The following PHACTR1 variants were observed in gnomAD, a reference collection of about 807,000 sequenced individuals.
The protein encoded by PHACTR1 is phosphatase and actin regulator 1.
In PHACTR1, 16 loss-of-function variants were observed where a neutral mutation model predicts 69.2. The observed-to-expected ratio is 0.23, with a 90% confidence interval of 0.16 to 0.35. The LOEUF (loss-of-function observed/expected upper bound fraction) is 0.35, where lower values mean the gene tolerates loss of function less well. PHACTR1 is among the 10% of genes least tolerant of loss of function. The probability of loss-of-function intolerance (pLI) is 1.00; values close to 1 mark genes in which losing one functional copy is unlikely to be tolerated. For missense variants in PHACTR1, 510 were observed against 734.7 expected, an observed-to-expected ratio of 0.69 and a Z score of 3.54; for synonymous variants, 312 against 284.5, an observed-to-expected ratio of 1.10 and a Z score of -0.97.
intron 4 of PHACTR1, among the ~76,000 whole-genome samples, chr6:13,038,222 T>C (rs1053254617): frequency 6.6e-6 from 1 of 152,146 alleles, no homozygotes; most frequent in African/African-American, 2.4e-5. Context: ...CCAGAGAAGT[T>C]AAAAACTTGG....
At chr6:13,115,807 T>C (rs1352027735) in intron 5 of PHACTR1, among the ~76,000 whole-genome samples, 2 of 152,158 alleles carry the variant, frequency 1.3e-5, no homozygotes, top group Admixed American at 1.3e-4. Flanking sequence ...CACACAGAAC[T>C]GTCCACCGCA....
intron 4 of PHACTR1, among the ~76,000 whole-genome samples, chr6:12,814,916 A>C (rs1031675017): frequency 6.6e-6 from 1 of 152,180 alleles, no homozygotes; most frequent in Non-Finnish European, 1.5e-5. Flanking sequence ...AAAACACAAC[A>C]TGCTTCAAGT....
At chr6:12,764,416 T>G (rs1379819833) in intron 4 of PHACTR1, among the ~76,000 whole-genome samples, 1 of 152,208 alleles carries the variant, frequency 6.6e-6, no homozygotes, top group African/African-American at 2.4e-5. Context: ...GTCTAGTATC[T>G]TTTCAAAATT....
At chr6:13,007,532 A>C (rs544742522) in intron 4 of PHACTR1, among the ~76,000 whole-genome samples, 7 of 152,138 alleles carry the variant, frequency 4.6e-5, no homozygotes, top group Non-Finnish European at 8.8e-5. Context: ...GATATTAGCG[A>C]TACAGGCTTT....
intron 3 of PHACTR1, among the ~76,000 whole-genome samples, chr6:12,723,250 C>G (rs1398743234): frequency 6.6e-6 from 1 of 152,028 alleles, no homozygotes; most frequent in Non-Finnish European, 1.5e-5. Context: ...TGAGAACCAC[C>G]ATTATGGATC....
At chr6:13,121,428 G>A (rs6924854) in intron 5 of PHACTR1, among the ~76,000 whole-genome samples, 4,464 of 152,106 alleles carry the variant, frequency 0.029, 199 homozygotes, top group African/African-American at 0.1. Context: ...GATAGGTCAC[G>A]TCTTCTCATA....
intron 4 of PHACTR1, among the ~76,000 whole-genome samples, chr6:12,988,769 A>G (rs1317147534): frequency 6.6e-6 from 1 of 152,264 alleles, no homozygotes; most frequent in Non-Finnish European, 1.5e-5. Flanking sequence ...ATGTAGAACC[A>G]GAGATGCATC....
At position 13,089,353 on chromosome 6, in the gene PHACTR1, G is replaced by C. The variant is rs988189916; in HGVS notation, c.415+35824G>C. ...CTGAGAGGGTGCAGGCTCTAGGGGG[G>C]TGCACTCCATTGGCCCAGACATCTC... On this transcript the variant is annotated intron_variant, in intron 5 of 14. Coordinates refer to ENST00000332995, the MANE Select transcript of PHACTR1 (RefSeq NM_030948.6). Among the ~76,000 whole-genome samples the C allele has an allele frequency of 6.6e-5, 10 of 152,134 alleles. No homozygotes were observed. The East Asian group carries it at 1.7e-3, about 26-fold the overall frequency.
intron 4 of PHACTR1, among the ~76,000 whole-genome samples, chr6:12,877,961 G>A (rs888826486): frequency 6.6e-6 from 1 of 152,178 alleles, no homozygotes; most frequent in East Asian, 1.9e-4. Context: ...TCACAGTGGG[G>A]AAGATCAAAT....
intron 4 of PHACTR1, chr6:12,957,270 A>T: frequency 1.2e-6 from 1 of 808,508 alleles, no homozygotes; most frequent in African/African-American, 1.9e-5. Flanking sequence ...AAAAAAAAAA[A>T]AAAAAGCCCA....
At chr6:12,853,363 A>G (rs1193444435) in intron 4 of PHACTR1, among the ~76,000 whole-genome samples, 4 of 152,190 alleles carry the variant, frequency 2.6e-5, no homozygotes, top group Non-Finnish European at 4.4e-5. Flanking sequence ...AGCTGATCAG[A>G]TTTGGCACAG....
chr6:12,807,618 C>T (rs549787426), intron 4 of PHACTR1, among the ~76,000 whole-genome samples: 1 of 152,304 alleles, frequency 6.6e-6, no homozygotes, highest in African/African-American at 2.4e-5. Context: ...GAAATTCTTA[C>T]AAAGAGCGGA....
At chr6:12,842,708 A>AT (rs3036466) in intron 4 of PHACTR1, among the ~76,000 whole-genome samples, 100 of 147,740 alleles carry the variant, frequency 6.8e-4, no homozygotes, top group Middle Eastern at 3.6e-3. Flanking sequence ...TGCCCAGCTG[A>AT]TTTTTTTTTT....
rs960298391 is a variant in PHACTR1, at chr6:13,179,681, G to A, written c.497-2838G>A. ...AGGTAGGAAGATAGGTAGGTAGGTAGGTAGATAGATAAGTAGATAGAGATA... is the reference window on the plus strand; with the variant it reads ...AGGTAGGAAGATAGGTAGGTAGGTAAGTAGATAGATAAGTAGATAGAGATA... On this transcript the variant is annotated intron_variant, in intron 6 of 14. Coordinates refer to ENST00000332995, the MANE Select transcript of PHACTR1 (RefSeq NM_030948.6). This position sits in a 1 kb window ranked among gnomAD's most constrained non-coding sequence, Gnocchi z 4.2. 6.1e-5 allele frequency among the ~76,000 whole-genome samples: 9 copies of A among 147,670 alleles called. No homozygotes were observed. The highest frequency in any genetic ancestry group is 2.3e-4 in the African/African-American group (9 of 39,988).
At chr6:12,740,207 T>C (rs1764861538) in intron 3 of PHACTR1, among the ~76,000 whole-genome samples, 1 of 152,186 alleles carries the variant, frequency 6.6e-6, no homozygotes, top group Admixed American at 6.5e-5. Flanking sequence ...ATTACAATTA[T>C]GTTTATATAT....
chr6:13,182,679 T>A lies in PHACTR1; in HGVS notation c.657T>A (p.Asp219Glu). Residue 219 changes from aspartate to glutamate, a missense_variant, in exon 7 of 15, where the codon GAT (aspartate) becomes GAA (glutamate). This residue lies in a region of PHACTR1 where 419 missense variants were observed against 530.9 expected (regional missense o/e 0.79). Coordinates refer to ENST00000332995, the MANE Select transcript of PHACTR1 (RefSeq NM_030948.6). ...TGCTCCAACCGTCAGACATCATGGATGGGCCAGGTAATGCCCCGGCAGGAT... is the reference window on the plus strand; with the variant it reads ...TGCTCCAACCGTCAGACATCATGGAAGGGCCAGGTAATGCCCCGGCAGGAT... ...YEVLQPSDIM[D>E]GPDPGAPVKL... 1 of 1,551,216 alleles carries A rather than the reference T, an allele frequency of 6.4e-7. No individual in the cohort carries two copies. Among genetic ancestry groups the A allele is most frequent in the Non-Finnish European group, 8.7e-7 (1 of 1,151,570 alleles).
chr6:13,016,188 G>A (rs1249352896), intron 4 of PHACTR1, among the ~76,000 whole-genome samples: 1 of 152,218 alleles, frequency 6.6e-6, no homozygotes, highest in African/African-American at 2.4e-5. Context: ...CATGCCAGGA[G>A]CACCAGCTAT....
chr6:12,777,070 G>A (rs751413532), intron 4 of PHACTR1, among the ~76,000 whole-genome samples: 1 of 152,114 alleles, frequency 6.6e-6, no homozygotes, highest in Non-Finnish European at 1.5e-5. Context: ...TGTGCCCATA[G>A]CATCTATGTT....
chr6:13,099,419 A>C (rs1814787658), intron 5 of PHACTR1, among the ~76,000 whole-genome samples: 1 of 152,230 alleles, frequency 6.6e-6, no homozygotes, highest in African/African-American at 2.4e-5. Flanking sequence ...GTGAGTGATG[A>C]ATAGGAACAT....
Sources: allele counts gnomAD v4.1 joint callset (sites outside exome capture counted in the v4.1 genomes callset), GRCh38; gene constraint gnomAD v4.1.1; regional missense constraint gnomAD v4.1.1; non-coding constraint Gnocchi (gnomAD v3.1); transcripts MANE v1.5; gene names NCBI Gene and HGNC (gene_info 2026-07-23, HGNC 2026-07-21).